SULT1C3: variants seen among roughly 807,000 people sequenced by gnomAD.
SULT1C3 encodes sulfotransferase 1C3.
Under a neutral mutation model 28.4 loss-of-function variants are expected in SULT1C3, and 31 were observed. That is an observed-to-expected ratio of 1.09 (90% CI 0.82 to 1.47). SULT1C3 has a LOEUF of 1.47. Among genes scored for constraint, SULT1C3 ranks in the 40% most tolerant of loss-of-function variants. The pLI, the probability that SULT1C3 is intolerant of heterozygous loss-of-function variation, is 0.00. For missense variants in SULT1C3, 307 were observed against 272.5 expected (o/e 1.13, Z -0.89); for synonymous variants, 106 against 92.2 (o/e 1.15, Z -0.86).
intron 6 of SULT1C3, 42 bp downstream of exon 6, chr2:108,258,870 C>T (rs749006703): frequency 1.4e-6 from 2 of 1,475,402 alleles, no homozygotes; most frequent in Admixed American, 3.5e-5. Context: ...CAGAAACCCT[C>T]CTGACAATGT....
At chr2:108,251,517 G>A (rs1473762354) in intron 2 of SULT1C3, among the ~76,000 whole-genome samples, 1 of 151,980 alleles carries the variant, frequency 6.6e-6, no homozygotes. Flanking sequence ...TTGGCATGGT[G>A]CAAGAAGTAC....
At chr2:108,262,475 C>A (rs1676045977), downstream of SULT1C3, among the ~76,000 whole-genome samples, 1 of 152,144 alleles carries the variant, frequency 6.6e-6, no homozygotes, top group African/African-American at 2.4e-5. Context: ...ATGGATGATA[C>A]CTGCCTGCCT....
intron 2 of SULT1C3, among the ~76,000 whole-genome samples, chr2:108,249,138 T>C (rs1469071488): frequency 6.6e-6 from 1 of 152,066 alleles, no homozygotes; most frequent in Non-Finnish European, 1.5e-5. Context: ...GATTTTAGCC[T>C]AGTGAGACCC....
intron 3 of SULT1C3, among the ~76,000 whole-genome samples, 183 bp from the exon 4 acceptor site, chr2:108,253,162 C>A (rs1207117111): frequency 6.6e-6 from 1 of 152,064 alleles, no homozygotes; most frequent in African/African-American, 2.4e-5. Context: ...AGGAAATAAG[C>A]AAAACTCTCC....
downstream of SULT1C3, among the ~76,000 whole-genome samples, chr2:108,262,385 G>C (rs1379589929): frequency 6.6e-6 from 1 of 152,140 alleles, no homozygotes; most frequent in African/African-American, 2.4e-5. Context: ...ATTGAATGCT[G>C]TCAATAAAGA....
chr2:108,247,404 A>T, intron 2 of SULT1C3, 38 bp downstream of exon 2: 2 of 1,460,586 alleles, frequency 1.4e-6, no homozygotes, highest in Non-Finnish European at 1.8e-6. Flanking sequence ...CAATATTTTC[A>T]CGTGAAATTA....
intron 7 of SULT1C3, among the ~76,000 whole-genome samples, chr2:108,259,627 A>G (rs1675968759): frequency 1.3e-5 from 2 of 152,080 alleles, no homozygotes; most frequent in South Asian, 4.1e-4. Context: ...CTGTCTCCAA[A>G]ATAAGATGAT....
downstream of SULT1C3, among the ~76,000 whole-genome samples, chr2:108,261,806 A>G (rs1017445934): frequency 6.6e-6 from 1 of 152,164 alleles, no homozygotes; most frequent in Non-Finnish European, 1.5e-5. Flanking sequence ...ACCTTATCGT[A>G]GTGACAAGGC....
chr2:108,247,505 A>T, intron 2 of SULT1C3, 139 bp downstream of exon 2: 1 of 793,806 alleles, frequency 1.3e-6, no homozygotes, highest in East Asian at 3.1e-5. Context: ...GTGCTGCAGG[A>T]CATTTAGCAT....
downstream of SULT1C3, among the ~76,000 whole-genome samples, chr2:108,264,069 C>A (rs949453166): frequency 3.3e-5 from 5 of 152,170 alleles, no homozygotes; most frequent in Non-Finnish European, 7.3e-5. Context: ...CTCAACCCCA[C>A]ATCATAAAGC....
At position 108,243,230 on chromosome 2, in the gene SULT1C3, G is replaced by A. The variant is rs193044157; in HGVS notation, c.-8+3147G>A. ...CAAACAGCTCCATTTTGTTTCCAGC[G>A]CCCGAGCTGTCCTTGCCCATCCCTG... On this transcript the variant is annotated intron_variant, in intron 1 of 7. Transcript: ENST00000681802. Among the ~76,000 whole-genome samples, 206 of 152,222 alleles carry A rather than the reference G, an allele frequency of 1.4e-3. 1 individual carries two copies. The highest frequency in any genetic ancestry group is 3.1e-3 in the South Asian group (15 of 4,818).
chr2:108,242,758 A>G (rs1421692435), intron 1 of SULT1C3, among the ~76,000 whole-genome samples: 1 of 151,974 alleles, frequency 6.6e-6, no homozygotes, highest in South Asian at 2.1e-4. Flanking sequence ...AGGGCTTTTT[A>G]TTTTCCCAAA....
At chr2:108,264,793 T>C (rs771722595), downstream of SULT1C3, 11 of 1,573,340 alleles carry the variant, frequency 7.0e-6, no homozygotes, top group Non-Finnish European at 9.5e-6. Flanking sequence ...AGACCCAACA[T>C]GATTTGTTTG....
chr2:108,246,289 C>A (rs957957301), intron 1 of SULT1C3, among the ~76,000 whole-genome samples: 2 of 152,206 alleles, frequency 1.3e-5, no homozygotes, highest in African/African-American at 4.8e-5. Flanking sequence ...TGCAGTAGCA[C>A]CCCACTCTGC....
rs137967079 is a variant in SULT1C3 at position 108,247,506 on chromosome 2, C to T, written c.172+140C>T. 9.7e-5 allele frequency: 75 copies of T among 774,106 alleles called. No homozygotes were observed. In the African/African-American group the frequency reaches 1.3e-3, roughly 13 times the overall value. 48.0% of individuals were successfully genotyped at this position (774,106 alleles called of 1,614,324 possible). Reference sequence around the variant, plus strand: ...AGATCTGTTCTTTGGTGCTGCAGGACATTTAGCATTCCTGATCCCTAGGAC... The same window carrying T: ...AGATCTGTTCTTTGGTGCTGCAGGATATTTAGCATTCCTGATCCCTAGGAC... On this transcript the variant is annotated intron_variant, in intron 2 of 7. Transcript: ENST00000681802.
In SULT1C3 at chr2:108,258,715, GTGC is replaced by G. The variant is rs1209749346; in HGVS notation, c.527-17_527-15del. ...TTTGTCCCAGTACTGGGAACTAACA[GTGC>G]TCTGACTTCTTCCAGTTGTTGGCGG... is the stretch of plus-strand genomic sequence containing the variant. On this transcript the variant is annotated splice_polypyrimidine_tract_variant and intron_variant, in intron 5 of 7. Transcript: ENST00000681802. The G allele has an allele frequency of 6.2e-7, 1 of 1,602,580 alleles. No homozygotes were observed. Among genetic ancestry groups the G allele is most frequent in the South Asian group, 1.1e-5 (1 of 90,178 alleles).
intron 6 of SULT1C3, 29 bp downstream of exon 6, chr2:108,258,857 AC>A: frequency 6.5e-7 from 1 of 1,529,970 alleles, no homozygotes; most frequent in Non-Finnish European, 9.0e-7. Context: ...TATAGGTCAG[AC>A]CCAGAAACCC....
chr2:108,252,574 G>C, intron 3 of SULT1C3, 81 bp downstream of exon 3: 3 of 1,516,160 alleles, frequency 2.0e-6, no homozygotes, highest in Non-Finnish European at 2.7e-6. Flanking sequence ...TAGAGCATCC[G>C]TGGTAGCCAG....
At position 108,255,599 on chromosome 2, in the gene SULT1C3, G is replaced by T; in HGVS notation, c.427G>T (p.Asp143Tyr). ...TGTCTATGTGGCCAGAAATCCCAAGGATTGCCTGGTGTCCTACTACCACTT... is the reference window on the plus strand; with the variant it reads ...TGTCTATGTGGCCAGAAATCCCAAGTATTGCCTGGTGTCCTACTACCACTT... ...KIVYVARNPK[D>Y]CLVSYYHFHR... The change falls in exon 5 of 8, where the codon GAT becomes TAT. Residue 143 changes from aspartate to tyrosine, a missense_variant. Physicochemically the swap from Asp to Tyr is radical, Grantham distance 160. Coordinates refer to ENST00000681802, the MANE Select transcript of SULT1C3 (RefSeq NM_001320878.2). 6.2e-7 allele frequency: 1 copy of T among 1,611,782 alleles called. No individual in the cohort carries two copies. Among genetic ancestry groups the T allele is most frequent in the Non-Finnish European group, 8.5e-7 (1 of 1,178,472 alleles).
Sources: gnomAD v4.1 joint callset for allele counts (sites outside exome capture counted in the v4.1 genomes callset) on GRCh38, gnomAD v4.1.1 for gene constraint, MANE v1.5 for transcripts, NCBI Gene and HGNC (gene_info 2026-07-23, HGNC 2026-07-21) for gene names.